Variants in USP37 observed in about 807,000 individuals in gnomAD.
The protein encoded by USP37 is ubiquitin specific peptidase 37, also known as ubiquitin carboxyl-terminal hydrolase 37.
Under a neutral mutation model 124.0 loss-of-function variants are expected in USP37, and 27 were observed. That is an observed-to-expected ratio of 0.22 (90% CI 0.16 to 0.30). USP37 has a LOEUF of 0.30. USP37 is among the 10% of genes least tolerant of loss of function. The pLI, the probability that USP37 is intolerant of heterozygous loss-of-function variation, is 1.00. For missense variants in USP37, 889 were observed against 1,140.4 expected, an observed-to-expected ratio of 0.78 and a Z score of 3.17; for synonymous variants, 365 against 388.0, an observed-to-expected ratio of 0.94 and a Z score of 0.70.
At chr2:218,541,809 A>T (rs2106037584) in intron 8 of USP37, among the ~76,000 whole-genome samples, 1 of 152,252 alleles carries the variant, frequency 6.6e-6, no homozygotes, top group Non-Finnish European at 1.5e-5. Flanking sequence ...GGGAAGGGGG[A>T]ACTATAGTAC....
rs545533839 is a variant in USP37, at chr2:218,496,068, C to T, written c.1282-118G>A. On this transcript the variant is annotated intron_variant, in intron 13 of 25. Coordinates refer to ENST00000258399, the MANE Select transcript of USP37 (RefSeq NM_020935.3). ...CAGCACTCTGGAAGGCTGAGGCAGG[C>T]GGATCACTTGAGGTCAGGAGTTCGA... 634 of 985,058 alleles carry T rather than the reference C, an allele frequency of 6.4e-4. No homozygotes were observed. In the African/African-American group the frequency reaches 9.2e-3, roughly 14 times the overall value. The allele number at this position is 985,058 out of a possible 1,614,324, so 61.0% of individuals were successfully genotyped here. A position where few individuals can be genotyped will look rare whatever the true frequency, so the allele number is the denominator to read the frequency against.
At chr2:218,566,984 G>GA (rs1409229306) in intron 1 of USP37, among the ~76,000 whole-genome samples, 1 of 151,914 alleles carries the variant, frequency 6.6e-6, no homozygotes, top group African/African-American at 2.4e-5. Flanking sequence ...AAACTCCTAA[G>GA]AAAAAAATCA....
At chr2:218,461,578 T>C (rs13006838) in intron 22 of USP37, among the ~76,000 whole-genome samples, 8,636 of 152,032 alleles carry the variant, frequency 0.057, 361 homozygotes, top group East Asian at 0.12. Context: ...GCTTCAAAAT[T>C]CTGGAAGTTG....
intron 10 of USP37, among the ~76,000 whole-genome samples, chr2:218,515,260 C>G (rs534565025): frequency 1.3e-5 from 2 of 151,718 alleles, no homozygotes; most frequent in Non-Finnish European, 2.9e-5. Flanking sequence ...GCAAAAAGAA[C>G]AAAGCTGGAG....
intron 19 of USP37, among the ~76,000 whole-genome samples, chr2:218,476,410 C>T (rs1396832139): frequency 6.6e-6 from 1 of 151,896 alleles, no homozygotes; most frequent in Non-Finnish European, 1.5e-5. Flanking sequence ...CTTGTCTCTA[C>T]AAAAAATTTT....
At chr2:218,558,214 G>T (rs147178271) in intron 4 of USP37, among the ~76,000 whole-genome samples, 1 of 152,186 alleles carries the variant, frequency 6.6e-6, no homozygotes, top group East Asian at 1.9e-4. Context: ...TCTTAAAGTG[G>T]TTTTAAAAAT....
intron 1 of USP37, among the ~76,000 whole-genome samples, chr2:218,564,952 C>T (rs1693505378): frequency 6.6e-6 from 1 of 152,154 alleles, no homozygotes; most frequent in South Asian, 2.1e-4. Context: ...GACAGAACCT[C>T]ATTCTGTCAC....
Position 218,475,532 on chromosome 2 carries a change from C to T in USP37, c.2044-647G>A, listed in dbSNP as rs949119118. On this transcript the variant is annotated intron_variant, in intron 19 of 25. Coordinates refer to ENST00000258399, the MANE Select transcript of USP37 (RefSeq NM_020935.3). ...AGCAGATCACTTGAGGCCAGGAGTT[C>T]GAGATCAGCCTGGCCAACATGGATA... Among the ~76,000 whole-genome samples, 9 of 152,050 alleles carry T rather than the reference C, an allele frequency of 5.9e-5. No individual in the cohort carries two copies. The East Asian group carries it at 1.4e-3, about 23-fold the overall frequency.
At chr2:218,463,827 G>A (rs966948941) in intron 21 of USP37, among the ~76,000 whole-genome samples, 2 of 147,712 alleles carry the variant, frequency 1.4e-5, no homozygotes, top group African/African-American at 5.0e-5. Flanking sequence ...GAGCCACTGC[G>A]CCCGGCCCAC....
chr2:218,554,666 G>A (rs555995814), intron 4 of USP37, among the ~76,000 whole-genome samples: 24 of 150,994 alleles, frequency 1.6e-4, no homozygotes, highest in East Asian at 7.9e-4. Context: ...AAAATAGCTC[G>A]AACCCAGGAA....
chr2:218,544,447 A>AGAGAGAGG, intron 8 of USP37, among the ~76,000 whole-genome samples: 1 of 143,610 alleles, frequency 7.0e-6, no homozygotes, highest in Admixed American at 6.9e-5. Context: ...AGAGAGAGAG[A>AGAGAGAGG]GAGAGAGAGA....
intron 11 of USP37, among the ~76,000 whole-genome samples, chr2:218,504,565 A>G (rs12617603): frequency 0.3 from 45,584 of 152,008 alleles, 7,898 homozygotes; most frequent in Non-Finnish European, 0.39. Flanking sequence ...AGCTGGGATT[A>G]AAGACATGTA....
In USP37 at chr2:218,541,808, G is replaced by C. The variant is rs1172172542; in HGVS notation, c.680+4413C>G. The stretch of plus-strand genomic sequence containing the variant: ...AAACGGTACAAGCTAGGGGAAGGGG[G>C]AACTATAGTACCAACTCTTTTAGTG... On this transcript the variant is annotated intron_variant, in intron 8 of 25. Coordinates refer to ENST00000258399, the MANE Select transcript of USP37 (RefSeq NM_020935.3). Among the ~76,000 whole-genome samples, 4 of 152,084 alleles carry C rather than the reference G, an allele frequency of 2.6e-5. No homozygotes were observed. The South Asian group carries it at 6.3e-4, about 24-fold the overall frequency.
Position 218,546,294 on chromosome 2 carries a change from C to G in USP37, c.607G>C (p.Glu203Gln), listed in dbSNP as rs1344268862. ...LRSGLLENRT[E>Q]KRKRMISTGS... ...GTTGATATCATTCTTTTCCTCTTTT[C>G]AGTACTACAGAGAACAAAGAAAAGG... The change falls in exon 8 of 26, where the codon GAA becomes CAA. Residue 203 changes from glutamate (E) to glutamine (Q), a missense_variant. Coordinates refer to ENST00000258399, the MANE Select transcript of USP37 (RefSeq NM_020935.3). 6.2e-7 allele frequency: 1 copy of G among 1,609,608 alleles called. No individual in the cohort carries two copies. Among genetic ancestry groups the G allele is most frequent in the African/African-American group, 1.3e-5 (1 of 74,774 alleles).
chr2:218,459,980 C>A, intron 22 of USP37, 75 bp from the exon 23 acceptor site: 1 of 1,153,352 alleles, frequency 8.7e-7, no homozygotes, highest in Non-Finnish European at 1.2e-6. Flanking sequence ...CCTGTAATCC[C>A]AACACTTTGG....
At chr2:218,503,153 G>T (rs1223948039) in intron 11 of USP37, among the ~76,000 whole-genome samples, 2 of 152,026 alleles carry the variant, frequency 1.3e-5, no homozygotes, top group Non-Finnish European at 2.9e-5. Flanking sequence ...CGCACTGTAA[G>T]AAATGTTAAA....
chr2:218,548,592 C>T (rs1412883501), intron 6 of USP37, among the ~76,000 whole-genome samples: 2 of 152,170 alleles, frequency 1.3e-5, no homozygotes, highest in Non-Finnish European at 2.9e-5. Context: ...ATCTGCCCAC[C>T]TCAGCCTCCC....
At chr2:218,547,197 T>C in intron 6 of USP37, 106 bp from the exon 7 acceptor site, 1 of 1,212,406 alleles carries the variant, frequency 8.2e-7, no homozygotes. Context: ...TGGAGCCAGG[T>C]GCGATGGCTC....
intron 8 of USP37, among the ~76,000 whole-genome samples, chr2:218,541,469 T>C (rs995121385): frequency 2.0e-5 from 3 of 152,126 alleles, no homozygotes; most frequent in African/African-American, 7.2e-5. Context: ...CATGTAATTA[T>C]AATGGGCAAT....
Sources: gnomAD v4.1 joint callset for allele counts (sites outside exome capture counted in the v4.1 genomes callset) on GRCh38, gnomAD v4.1.1 for gene constraint, MANE v1.5 for transcripts, NCBI Gene and HGNC (gene_info 2026-07-23, HGNC 2026-07-21) for gene names.